Variants in PTPRD observed in about 807,000 individuals in gnomAD.
PTPRD encodes the protein receptor-type tyrosine-protein phosphatase delta.
A neutral mutation model predicts 214.5 loss-of-function variants in PTPRD; 34 were observed. The observed-to-expected ratio is 0.16, with a 90% CI of 0.12 to 0.21. The LOEUF is 0.21. Among genes scored for constraint, PTPRD ranks in the 10% least tolerant of loss-of-function variants. The pLI, the probability that PTPRD is intolerant of heterozygous loss-of-function variation, is 1.00. For synonymous variants in PTPRD, 1,128 were observed against 845.7 expected (o/e 1.33, Z -5.79); for missense variants, 2,545 against 2,398.7 (o/e 1.06, Z -1.27).
At chr9:10,152,344 T>G (rs1009185849) in intron 3 of PTPRD, among the ~76,000 whole-genome samples, 4 of 152,230 alleles carry the variant, frequency 2.6e-5, no homozygotes, top group Admixed American at 2.0e-4. Context: ...CAAAATATTT[T>G]GCTCATTTTT....
At chr9:8,526,719 G>A (rs1487850448) in intron 16 of PTPRD, 75 bp from the exon 17 acceptor site, 1 of 1,216,064 alleles carries the variant, frequency 8.2e-7, no homozygotes, top group Non-Finnish European at 1.2e-6. Flanking sequence ...GCTAGGGCTG[G>A]GGAGAAGAAT....
chr9:10,143,578 A>AT (rs919874403), intron 3 of PTPRD, among the ~76,000 whole-genome samples: 4 of 151,750 alleles, frequency 2.6e-5, no homozygotes, highest in Non-Finnish European at 5.9e-5. Flanking sequence ...TAAAGAAAAA[A>AT]AATTGTATCA....
intron 8 of PTPRD, among the ~76,000 whole-genome samples, chr9:9,489,054 G>C (rs900451016): frequency 2.0e-5 from 3 of 152,028 alleles, no homozygotes; most frequent in Non-Finnish European, 4.4e-5. Flanking sequence ...AGACATAAAG[G>C]GCCAGCACTC....
At chr9:9,638,161 A>G (rs994532134) in intron 7 of PTPRD, among the ~76,000 whole-genome samples, 2 of 152,278 alleles carry the variant, frequency 1.3e-5, no homozygotes, top group African/African-American at 4.8e-5. Context: ...ATACTGCTTT[A>G]TTCTTTACTT....
intron 3 of PTPRD, among the ~76,000 whole-genome samples, chr9:10,122,896 A>G (rs2154249885): frequency 6.6e-6 from 1 of 152,328 alleles, no homozygotes. Context: ...TTTCCTTGAC[A>G]GAGGCAGCCT....
At chr9:9,530,184 A>G (rs910685047) in intron 8 of PTPRD, among the ~76,000 whole-genome samples, 2 of 152,208 alleles carry the variant, frequency 1.3e-5, no homozygotes, top group Non-Finnish European at 2.9e-5. Flanking sequence ...TAGTGACTAA[A>G]AAATAATACA....
At chr9:8,373,842 A>C (rs200591004) in intron 39 of PTPRD, among the ~76,000 whole-genome samples, 1 of 105,920 alleles carries the variant, frequency 9.4e-6, no homozygotes, top group Non-Finnish European at 1.8e-5. Flanking sequence ...GTATGTATGT[A>C]TGTATGTGTA....
intron 2 of PTPRD, among the ~76,000 whole-genome samples, chr9:10,477,691 T>C (rs1181684991): frequency 6.6e-6 from 1 of 152,112 alleles, no homozygotes. Flanking sequence ...CGTAGGTTAT[T>C]GCATCACTAT....
intron 9 of PTPRD, among the ~76,000 whole-genome samples, chr9:9,240,300 T>C (rs909315759): frequency 1.3e-5 from 2 of 152,208 alleles, no homozygotes; most frequent in Non-Finnish European, 2.9e-5. Flanking sequence ...GTCATTGGTT[T>C]AAACTATATA....
At chr9:10,091,544 G>A (rs903294043) in intron 3 of PTPRD, among the ~76,000 whole-genome samples, 1 of 151,340 alleles carries the variant, frequency 6.6e-6, no homozygotes, top group African/African-American at 2.4e-5. Flanking sequence ...CTTTGGATTG[G>A]TATCACAAAG....
chr9:8,789,776 G>T (rs953428309), intron 11 of PTPRD, among the ~76,000 whole-genome samples: 2 of 152,104 alleles, frequency 1.3e-5, no homozygotes, highest in Non-Finnish European at 2.9e-5. Flanking sequence ...AATTCAACCC[G>T]TGTCTCACAC....
At chr9:8,862,997 C>T (rs934819562) in intron 11 of PTPRD, among the ~76,000 whole-genome samples, 1 of 152,102 alleles carries the variant, frequency 6.6e-6, no homozygotes, top group African/African-American at 2.4e-5. Context: ...AGCGCACCAG[C>T]ATGGCACATG....
intron 5 of PTPRD, among the ~76,000 whole-genome samples, chr9:9,851,602 A>G (rs1045397791): frequency 6.6e-6 from 1 of 152,194 alleles, no homozygotes. Flanking sequence ...ATGTATCTAT[A>G]ATATGTATTC....
rs180945102 is a variant in PTPRD, at chr9:9,968,147, C to G, written c.-471-29537G>C. Among the ~76,000 whole-genome samples, 8 of 152,222 alleles carry G rather than the reference C, an allele frequency of 5.3e-5. No homozygotes were observed. The East Asian group carries it at 1.4e-3, about 26-fold the overall frequency. On this transcript the variant is annotated intron_variant, in intron 4 of 45. Transcript: ENST00000381196. ...AAAATTTATCACATTTTAAAGGGAA[C>G]CTATTATTCTTCAATGAAACCATGA...
intron 4 of PTPRD, among the ~76,000 whole-genome samples, chr9:9,987,301 T>C (rs1566940471): frequency 1.3e-5 from 2 of 152,174 alleles, no homozygotes; most frequent in Non-Finnish European, 2.9e-5. Flanking sequence ...GATGCTGTGT[T>C]GTCCATTTTC....
At chr9:9,225,297 A>G (rs941564771) in intron 9 of PTPRD, among the ~76,000 whole-genome samples, 2 of 152,118 alleles carry the variant, frequency 1.3e-5, no homozygotes, top group East Asian at 3.9e-4. Context: ...TAAATATGTC[A>G]TAGGTGACAA....
At chr9:8,414,955 GA>G (rs1564641819) in intron 35 of PTPRD, among the ~76,000 whole-genome samples, 11 of 149,564 alleles carry the variant, frequency 7.4e-5, no homozygotes, top group Non-Finnish European at 1.2e-4. Context: ...GAGAGAGAGA[GA>G]GAGAGAGAGA....
chr9:8,966,723 A>G (rs866692134), intron 11 of PTPRD, among the ~76,000 whole-genome samples: 5 of 152,144 alleles, frequency 3.3e-5, no homozygotes, highest in Admixed American at 6.6e-5. Flanking sequence ...TAAGTCCTCA[A>G]AAACAATTGC....
At chr9:8,500,570 A>G (rs1463266441) in intron 24 of PTPRD, among the ~76,000 whole-genome samples, 184 bp downstream of exon 24, 4 of 143,450 alleles carry the variant, frequency 2.8e-5, no homozygotes, top group African/African-American at 5.1e-5. Context: ...AAAAAAAAAA[A>G]AAAAAAAAAA....
Sources: allele counts gnomAD v4.1 joint callset (sites outside exome capture counted in the v4.1 genomes callset), GRCh38; gene constraint gnomAD v4.1.1; transcripts MANE v1.5; gene names NCBI Gene and HGNC (gene_info 2026-07-23, HGNC 2026-07-21).